The following NT5C2 variants were observed in gnomAD, a reference collection of about 807,000 sequenced individuals.
NT5C2 encodes cytosolic purine 5'-nucleotidase.
NT5C2 carries 58 observed loss-of-function variants against 76.1 expected under a neutral mutation model. That is an observed-to-expected ratio of 0.76 (90% CI 0.62 to 0.95). NT5C2 has a LOEUF of 0.95. NT5C2 is among the 40% of genes least tolerant of loss of function. NT5C2 has a pLI of 0.00. For synonymous variants in NT5C2, 229 were observed against 237.4 expected (o/e 0.96, Z 0.32); for missense variants, 478 against 690.3 (o/e 0.69, Z 3.45).
intron 4 of NT5C2, among the ~76,000 whole-genome samples, chr10:103,137,812 A>G (rs2079577358): frequency 6.6e-6 from 1 of 151,936 alleles, no homozygotes; most frequent in South Asian, 2.1e-4. Flanking sequence ...TGTTATAACT[A>G]CTGATTAATA....
intron 3 of NT5C2, among the ~76,000 whole-genome samples, chr10:103,149,502 G>C (rs1190198470): frequency 6.6e-6 from 1 of 152,074 alleles, no homozygotes; most frequent in African/African-American, 2.4e-5. Context: ...GGAGAAACCA[G>C]GACAATACCA....
At chr10:103,129,298 T>TG (rs1294743961) in intron 4 of NT5C2, among the ~76,000 whole-genome samples, 7 of 57,988 alleles carry the variant, frequency 1.2e-4, no homozygotes, top group Non-Finnish European at 1.7e-4. Flanking sequence ...GGGAGGGAGG[T>TG]GGGGGGGTCA....
At chr10:103,180,879 T>C (rs2090933021) in intron 2 of NT5C2, among the ~76,000 whole-genome samples, 1 of 152,166 alleles carries the variant, frequency 6.6e-6, no homozygotes, top group Admixed American at 6.6e-5. Context: ...ATAAAGTATT[T>C]ACATGCAAAA....
At chr10:103,094,611 C>T (rs1397912880) in intron 12 of NT5C2, 156 bp from the exon 13 acceptor site, 2 of 599,774 alleles carry the variant, frequency 3.3e-6, no homozygotes, top group East Asian at 5.7e-5. Context: ...CAGCCAGGCA[C>T]AGTGGCTCAC....
chr10:103,100,804 GAGAAGCCAATC>G (rs2069407285), intron 8 of NT5C2: 3 of 642,690 alleles, frequency 4.7e-6, no homozygotes, highest in Non-Finnish European at 8.6e-6. Flanking sequence ...TCATTCCCAG[GAGAAGCCAATC>G]AGAAGTGGTG....
intron 3 of NT5C2, among the ~76,000 whole-genome samples, chr10:103,141,047 C>T (rs575727414): frequency 1.3e-5 from 2 of 152,300 alleles, no homozygotes; most frequent in African/African-American, 2.4e-5. Context: ...GCTTTTGCTG[C>T]CTGTGCTTTT....
intron 5 of NT5C2, 97 bp downstream of exon 5, chr10:103,106,492 G>A (rs1226405820): frequency 5.3e-6 from 4 of 758,730 alleles, no homozygotes; most frequent in African/African-American, 1.7e-5. Context: ...TGTTTTGGGG[G>A]GTTTTTTTGT....
At position 103,098,976 on chromosome 10, in the gene NT5C2, A is replaced by G; in HGVS notation, c.642T>C (p.Leu214=). 1.2e-6 allele frequency: 2 copies of G among 1,606,486 alleles called. No homozygotes were observed. The highest frequency in any genetic ancestry group is 1.7e-6 in the Non-Finnish European group (2 of 1,174,380). Residue 214 remains leucine (L), a synonymous_variant, in exon 10 of 19, where the codon CTT becomes CTC. Transcript: ENST00000404739. ...AVDWVHYKGS[L]KEKTVENLEK... ...CAAGATTTTCAACTGTCTTTTCCTT[A>G]AGGGAGCCCTGGAGGAAGACAAAAA... is the stretch of plus-strand genomic sequence containing the variant.
intron 3 of NT5C2, among the ~76,000 whole-genome samples, chr10:103,150,789 C>T (rs2082266085): frequency 6.6e-6 from 1 of 152,064 alleles, no homozygotes; most frequent in Non-Finnish European, 1.5e-5. Context: ...ATATTTTGCC[C>T]GTTTTTAAAC....
At chr10:103,096,044 A>G in intron 11 of NT5C2, 64 bp from the exon 12 acceptor site, 1 of 1,166,980 alleles carries the variant, frequency 8.6e-7, no homozygotes, top group Non-Finnish European at 1.3e-6. Context: ...TAACCTAAAG[A>G]AATTACAAGC....
intron 1 of NT5C2, among the ~76,000 whole-genome samples, chr10:103,183,508 CTTTTTTT>C (rs541606520): frequency 1.7e-5 from 2 of 118,106 alleles, no homozygotes; most frequent in African/African-American, 3.2e-5. Context: ...TAAACAAATG[CTTTTTTT>C]TTTTTTTTTT....
intron 3 of NT5C2, among the ~76,000 whole-genome samples, chr10:103,164,442 G>A (rs2085840232): frequency 6.6e-6 from 1 of 151,958 alleles, no homozygotes; most frequent in Non-Finnish European, 1.5e-5. Context: ...ATATTTAGTA[G>A]AGACAGGGTT....
intron 1 of NT5C2, among the ~76,000 whole-genome samples, chr10:103,188,873 A>G (rs545687788): frequency 1.3e-5 from 2 of 152,180 alleles, no homozygotes; most frequent in Non-Finnish European, 2.9e-5. Flanking sequence ...ACAGTGTCAC[A>G]TGCCTGTATT....
intron 4 of NT5C2, among the ~76,000 whole-genome samples, chr10:103,110,442 T>A (rs576622248): frequency 6.6e-5 from 10 of 152,052 alleles, no homozygotes; most frequent in Non-Finnish European, 1.5e-4. Context: ...GGCAACAGAG[T>A]GAGACTTCAT....
At chr10:103,160,990 G>A (rs749592109) in intron 3 of NT5C2, among the ~76,000 whole-genome samples, 3 of 151,850 alleles carry the variant, frequency 2.0e-5, no homozygotes. Context: ...CCAGCCTGGC[G>A]ACAGCAAGAC....
intron 2 of NT5C2, among the ~76,000 whole-genome samples, chr10:103,177,270 C>T (rs900220330): frequency 1.3e-5 from 2 of 152,102 alleles, no homozygotes; most frequent in African/African-American, 4.8e-5. Flanking sequence ...TTAGGATAAG[C>T]ATCTAAAATG....
At chr10:103,174,726 A>C in intron 3 of NT5C2, 132 bp downstream of exon 3, 1 of 658,874 alleles carries the variant, frequency 1.5e-6, no homozygotes, top group Non-Finnish European at 2.7e-6. Context: ...ACTTAGAACT[A>C]GATTTGTACC....
chr10:103,090,978 G>A lies in NT5C2; in HGVS notation c.1230C>T (p.Ser410=). Residue 410 remains serine, a synonymous_variant, in exon 17 of 19, where the codon AGC becomes AGT. Coordinates refer to ENST00000404739, the MANE Select transcript of NT5C2 (RefSeq NM_001351169.2). Reference sequence around the variant, plus strand: ...TGGAACTGATGTCTGGACGCTCATTGCTACTGCTGTCAAGATGCCTAAAGA... The same window carrying A: ...TGGAACTGATGTCTGGACGCTCATTACTACTGCTGTCAAGATGCCTAAAGA... ...AELYKHLDSS[S]NERPDISSIQ... is the part of the protein sequence containing the mutation. The A allele has an allele frequency of 6.2e-7, 1 of 1,613,678 alleles. No homozygotes were observed. The highest frequency in any genetic ancestry group is 8.5e-7 in the Non-Finnish European group (1 of 1,179,876).
intron 3 of NT5C2, chr10:103,146,464 G>GT (rs1469684036): frequency 5.3e-5 from 52 of 984,728 alleles, no homozygotes; most frequent in Non-Finnish European, 6.3e-5. Context: ...TTGAAAATTT[G>GT]CTACAATCAA....
Sources: allele counts gnomAD v4.1 joint callset (sites outside exome capture counted in the v4.1 genomes callset), GRCh38; gene constraint gnomAD v4.1.1; transcripts MANE v1.5; gene names NCBI Gene and HGNC (gene_info 2026-07-23, HGNC 2026-07-21).